The following IGF1R variants were observed in gnomAD, a reference collection of about 807,000 sequenced individuals.
The protein encoded by IGF1R is insulin-like growth factor 1 receptor.
A neutral mutation model predicts 144.6 loss-of-function variants in IGF1R; 44 were observed. The observed-to-expected ratio is 0.30, with a 90% CI of 0.24 to 0.39. The LOEUF (loss-of-function observed/expected upper bound fraction) is 0.39, where lower values mean the gene tolerates loss of function less well. IGF1R is among the 10% of genes least tolerant of loss of function. IGF1R has a pLI of 1.00. For synonymous variants in IGF1R, 795 were observed against 722.8 expected, an observed-to-expected ratio of 1.10 and a Z score of -1.60; for missense variants, 1,355 against 1,833.7, an observed-to-expected ratio of 0.74 and a Z score of 4.77.
At chr15:98,868,288 C>G (rs1272138621) in intron 2 of IGF1R, among the ~76,000 whole-genome samples, 1 of 142,586 alleles carries the variant, frequency 7.0e-6, no homozygotes, top group African/African-American at 2.7e-5. Context: ...GATGGCACCA[C>G]TGCACTCCAG....
chr15:98,785,904 A>T (rs1215698111), intron 2 of IGF1R, among the ~76,000 whole-genome samples: 3 of 151,982 alleles, frequency 2.0e-5, no homozygotes, highest in East Asian at 1.9e-4. Flanking sequence ...CTACGTGACC[A>T]CTAGCTGGAG....
chr15:98,709,408 C>T (rs1163298529), intron 2 of IGF1R, among the ~76,000 whole-genome samples: 1 of 152,144 alleles, frequency 6.6e-6, no homozygotes, highest in Non-Finnish European at 1.5e-5. Flanking sequence ...GGCAGGGGTC[C>T]CACTGGCTGC....
intron 1 of IGF1R, among the ~76,000 whole-genome samples, chr15:98,657,258 C>G (rs541767661): frequency 6.6e-6 from 1 of 152,200 alleles, no homozygotes; most frequent in African/African-American, 2.4e-5. Context: ...TCCCCAAATT[C>G]AAAGCGTCTT....
chr15:98,689,801 A>G (rs902664053), intron 1 of IGF1R, among the ~76,000 whole-genome samples: 2 of 152,112 alleles, frequency 1.3e-5, no homozygotes, highest in Non-Finnish European at 2.9e-5. Context: ...CGATGGAGAG[A>G]TACCAGCGTT....
chr15:98,897,502 G>C (rs11247380), intron 4 of IGF1R: 1 of 154,202 alleles, frequency 6.5e-6, no homozygotes, highest in Non-Finnish European at 1.4e-5. Flanking sequence ...AGTTGCTTCT[G>C]AGTTGGATTT....
chr15:98,806,114 G>A (rs1319153682), intron 2 of IGF1R, among the ~76,000 whole-genome samples: 1 of 152,222 alleles, frequency 6.6e-6, no homozygotes, highest in East Asian at 1.9e-4. Flanking sequence ...TTCTGTAGAT[G>A]TTGAAATTAG....
In IGF1R at chr15:98,929,674, A is replaced by G; in HGVS notation, c.2885+14A>G. 1 of 1,542,944 alleles carries G rather than the reference A, an allele frequency of 6.5e-7. No homozygotes were observed. Among genetic ancestry groups the G allele is most frequent in the Non-Finnish European group, 9.0e-7 (1 of 1,114,954 alleles). On this transcript the variant is annotated intron_variant, in intron 14 of 20. Coordinates refer to ENST00000650285, the MANE Select transcript of IGF1R (RefSeq NM_000875.5). ...CCATAGAAAGAGGTCAGTGATGTGCAAAGTTATGACACTTTCTGTGGCTGA... is the reference window on the plus strand; with the variant it reads ...CCATAGAAAGAGGTCAGTGATGTGCGAAGTTATGACACTTTCTGTGGCTGA...
intron 1 of IGF1R, among the ~76,000 whole-genome samples, chr15:98,662,516 A>G (rs1189898169): frequency 6.6e-6 from 1 of 151,854 alleles, no homozygotes; most frequent in Non-Finnish European, 1.5e-5. Flanking sequence ...TATCTAGATT[A>G]TTTGAGGGCC....
chr15:98,666,760 T>C (rs1259500747), intron 1 of IGF1R, among the ~76,000 whole-genome samples: 2 of 151,882 alleles, frequency 1.3e-5, no homozygotes, highest in Non-Finnish European at 2.9e-5. Context: ...CAATGAGGAA[T>C]TGGTGTTTAA....
At chr15:98,678,731 G>A (rs1049879348) in intron 1 of IGF1R, among the ~76,000 whole-genome samples, 5 of 151,812 alleles carry the variant, frequency 3.3e-5, no homozygotes, top group Non-Finnish European at 7.4e-5. Context: ...GCCACGTTGC[G>A]CAGGCTGGTC....
chr15:98,883,506 G>A (rs1268492609), intron 2 of IGF1R, among the ~76,000 whole-genome samples: 1 of 152,188 alleles, frequency 6.6e-6, no homozygotes, highest in Non-Finnish European at 1.5e-5. Flanking sequence ...GCTGTAATAC[G>A]GTGGCTCTCT....
At chr15:98,663,142 C>T (rs2052639347) in intron 1 of IGF1R, among the ~76,000 whole-genome samples, 2 of 152,084 alleles carry the variant, frequency 1.3e-5, no homozygotes, top group South Asian at 2.1e-4. Flanking sequence ...ACAGGTTGGC[C>T]CAGCTGAGGG....
At chr15:98,875,131 G>T (rs1344071771) in intron 2 of IGF1R, among the ~76,000 whole-genome samples, 1 of 152,046 alleles carries the variant, frequency 6.6e-6, no homozygotes, top group African/African-American at 2.4e-5. Context: ...GCTCCGGGAC[G>T]AGGATGCTCC....
At chr15:98,940,972 G>T (rs921253014) in intron 18 of IGF1R, among the ~76,000 whole-genome samples, 10 of 152,216 alleles carry the variant, frequency 6.6e-5, no homozygotes, top group African/African-American at 2.2e-4. Flanking sequence ...CGCGTCCCTG[G>T]CTGGGCTTCC....
chr15:98,799,406 G>A (rs1032380430), intron 2 of IGF1R, among the ~76,000 whole-genome samples: 6 of 151,946 alleles, frequency 3.9e-5, no homozygotes, highest in Middle Eastern at 3.4e-3. Context: ...ATTCCAGGCT[G>A]CACAGCCTCT....
At position 98,913,182 on chromosome 15, in the gene IGF1R, G is replaced by A. The variant is rs769475983; in HGVS notation, c.1728G>A (p.Gln576=). The change falls in exon 8 of 21, where the codon CAG becomes CAA. Residue 576 remains glutamine, a synonymous_variant. Transcript: ENST00000650285. ...TACATGGGCTGAAGCCCTGGACTCA[G>A]TACGCCGTTTACGTCAAGGCTGTGA... ...ILLHGLKPWT[Q]YAVYVKAVTL... 55 of 1,614,126 alleles carry A rather than the reference G, an allele frequency of 3.4e-5. No individual in the cohort carries two copies. Among genetic ancestry groups the A allele is most frequent in the Middle Eastern group, 1.6e-4 (1 of 6,084 alleles).
intron 2 of IGF1R, among the ~76,000 whole-genome samples, chr15:98,812,373 T>TTTC (rs71287833): frequency 1.3e-5 from 2 of 151,730 alleles, no homozygotes; most frequent in African/African-American, 4.9e-5. Context: ...TTTTTTTTTT[T>TTTC]CAAGGCAGAG....
rs2052283666 is a variant in IGF1R at position 98,649,422 on chromosome 15, C to T, written c.-160C>T. The T allele has an allele frequency of 6.8e-6, 3 of 444,444 alleles. No individual in the cohort carries two copies. Among genetic ancestry groups the T allele is most frequent in the South Asian group, 1.0e-4 (2 of 19,652 alleles). 27.5% of individuals were successfully genotyped at this position (444,444 alleles called of 1,614,324 possible). A position where few individuals can be genotyped will look rare whatever the true frequency, so the allele number is the denominator to read the frequency against. ...CCGCGCACCCGGAGGGCCCCGGCGGCGCCGCCTTCGGAGTATTGTTTCCTT... is the reference window on the plus strand; with the variant it reads ...CCGCGCACCCGGAGGGCCCCGGCGGTGCCGCCTTCGGAGTATTGTTTCCTT... On this transcript the variant is annotated 5_prime_UTR_variant, in exon 1 of 21. Coordinates refer to ENST00000650285, the MANE Select transcript of IGF1R (RefSeq NM_000875.5).
At chr15:98,887,501 AATT>A (rs1346014949) in intron 2 of IGF1R, among the ~76,000 whole-genome samples, 1 of 152,166 alleles carries the variant, frequency 6.6e-6, no homozygotes, top group Non-Finnish European at 1.5e-5. Flanking sequence ...GTTTTCTTTA[AATT>A]GTCAGGGAAA....
Sources: gnomAD v4.1 joint callset for allele counts (sites outside exome capture counted in the v4.1 genomes callset) on GRCh38, gnomAD v4.1.1 for gene constraint, MANE v1.5 for transcripts, NCBI Gene and HGNC (gene_info 2026-07-23, HGNC 2026-07-21) for gene names.